The following PAWR variants were observed in gnomAD, a reference collection of about 807,000 sequenced individuals.
The protein encoded by PAWR is pro-apoptotic WT1 regulator, also known as PRKC apoptosis WT1 regulator protein.
Under a neutral mutation model 32.0 loss-of-function variants are expected in PAWR, and 23 were observed. The ratio of observed to expected loss-of-function variants is 0.72; its 90% CI spans 0.52 to 1.02. The LOEUF is 1.02. PAWR is among the 50% of genes least tolerant of loss of function. The pLI is 0.00. For synonymous variants in PAWR, 226 were observed against 187.1 expected (o/e 1.21, Z -1.70); for missense variants, 457 against 437.7 (o/e 1.04, Z -0.39).
intron 2 of PAWR, among the ~76,000 whole-genome samples, chr12:79,638,649 A>G (rs141082968): frequency 2.6e-3 from 400 of 151,536 alleles, no homozygotes; most frequent in Admixed American, 5.4e-3. Flanking sequence ...CAGAATACAG[A>G]ATTGCAACAA....
chr12:79,639,307 C>A (rs1338625249), intron 2 of PAWR, among the ~76,000 whole-genome samples: 2 of 152,012 alleles, frequency 1.3e-5, no homozygotes, highest in Non-Finnish European at 2.9e-5. Flanking sequence ...AATACCAGTT[C>A]TCTTTCTTAT....
intron 2 of PAWR, among the ~76,000 whole-genome samples, chr12:79,661,947 A>G (rs545480693): frequency 2.0e-5 from 3 of 152,168 alleles, no homozygotes; most frequent in Non-Finnish European, 4.4e-5. Context: ...AATAACCTAA[A>G]TGTTGCCACT....
At chr12:79,606,996 C>T (rs964123845) in intron 4 of PAWR, among the ~76,000 whole-genome samples, 5 of 152,064 alleles carry the variant, frequency 3.3e-5, no homozygotes, top group African/African-American at 1.2e-4. Context: ...ACAAAATGTA[C>T]AAGAATCCCA....
intron 2 of PAWR, among the ~76,000 whole-genome samples, chr12:79,657,467 G>T (rs1877144444): frequency 6.6e-6 from 1 of 152,022 alleles, no homozygotes; most frequent in Admixed American, 6.6e-5. Context: ...AAGTTAAGGG[G>T]GTGGGTTGAG....
At chr12:79,647,978 T>A (rs942232046) in intron 2 of PAWR, among the ~76,000 whole-genome samples, 2 of 152,018 alleles carry the variant, frequency 1.3e-5, no homozygotes, top group Non-Finnish European at 2.9e-5. Context: ...GCAACCTAGA[T>A]CTCTCACATG....
At position 79,643,112 on chromosome 12, in the gene PAWR, A is replaced by G. The variant is rs8176831; in HGVS notation, c.517-21905T>C. 7.2e-5 allele frequency among the ~76,000 whole-genome samples: 11 copies of G among 152,274 alleles called. 1 individual carries two copies. The highest frequency in any genetic ancestry group is 3.9e-4 in the Admixed American group (6 of 15,290). ...GCAATTTTTGCACCCTATTTTCTAT[A>G]CTATGTAACAAGAACCACCATTTAT... On this transcript the variant is annotated intron_variant, in intron 2 of 6. Coordinates refer to ENST00000328827, the MANE Select transcript of PAWR (RefSeq NM_002583.4).
intron 2 of PAWR, among the ~76,000 whole-genome samples, chr12:79,655,930 T>C (rs953435946): frequency 2.0e-5 from 3 of 152,236 alleles, no homozygotes; most frequent in African/African-American, 7.2e-5. Flanking sequence ...AGAGTGCTGA[T>C]AGAAGGTATC....
Position 79,639,911 on chromosome 12 carries a change from C to CATTCT in PAWR, c.517-18709_517-18705dup, listed in dbSNP as rs982068653. On this transcript the variant is annotated intron_variant, in intron 2 of 6. Coordinates refer to ENST00000328827, the MANE Select transcript of PAWR (RefSeq NM_002583.4). ...CATTCCATTCCATTCCATTCCATTC[C>CATTCT]ATTCTATTCTAGAGATGGAGTCTCA... Among the ~76,000 whole-genome samples, 5 of 102,870 alleles carry CATTCT rather than the reference C, an allele frequency of 4.9e-5. No homozygotes were observed. The South Asian group carries it at 7.8e-4, about 16-fold the overall frequency. The allele number at this position is 102,870 out of a possible 152,430, so 67.5% of individuals were successfully genotyped here.
chr12:79,638,894 ATATTTTTTTTTTTTT>A (rs1876133665), intron 2 of PAWR, among the ~76,000 whole-genome samples: 2 of 12,984 alleles, frequency 1.5e-4, no homozygotes, highest in Non-Finnish European at 2.7e-4. Context: ...ATATATATAT[ATATTTTTTTTTTTTT>A]TTTTTTTTTT....
chr12:79,638,100 A>G (rs1478476496), intron 2 of PAWR, among the ~76,000 whole-genome samples: 1 of 151,994 alleles, frequency 6.6e-6, no homozygotes, highest in Admixed American at 6.6e-5. Context: ...TGGCTCTTTA[A>G]ACATACTGTC....
At chr12:79,599,167 A>G (rs1873871115) in intron 4 of PAWR, among the ~76,000 whole-genome samples, 1 of 152,248 alleles carries the variant, frequency 6.6e-6, no homozygotes, top group Admixed American at 6.5e-5. Context: ...CAAAAACACC[A>G]AGAGTTCATC....
In PAWR at chr12:79,690,140, G is replaced by T. The variant is rs763688051; in HGVS notation, c.105C>A (p.Asn35Lys). ...AKREKMRAKQ[N>K]PPGPAPPGGG... is the part of the protein sequence containing the mutation. ...CTCCCGGGGGGGCCGGGCCCGGGGG[G>T]TTCTGCTTGGCGCGCATCTTCTCGC... is the stretch of plus-strand genomic sequence containing the variant. The change falls in exon 2 of 7, where the codon AAC (asparagine) becomes AAA (lysine). Residue 35 changes from asparagine (N) to lysine (K), a missense_variant. Asn to Lys is a moderately conservative substitution (Grantham distance 94). Coordinates refer to ENST00000328827, the MANE Select transcript of PAWR (RefSeq NM_002583.4). 1.9e-5 allele frequency: 29 copies of T among 1,521,090 alleles called. No individual in the cohort carries two copies. Among genetic ancestry groups the T allele is most frequent in the African/African-American group, 4.3e-5 (3 of 70,108 alleles). 94.2% of individuals were successfully genotyped at this position (1,521,090 alleles called of 1,614,324 possible).
intron 2 of PAWR, among the ~76,000 whole-genome samples, chr12:79,649,942 G>C (rs1876760635): frequency 6.6e-6 from 1 of 152,186 alleles, no homozygotes; most frequent in South Asian, 2.1e-4. Flanking sequence ...TCAGTCATTA[G>C]TTAAGATTCT....
rs1566010951 is a variant in PAWR, at chr12:79,632,330, TATATATATATATATATATATATATATA to T, written c.517-11150_517-11124del. On this transcript the variant is annotated intron_variant, in intron 2 of 6. Transcript: ENST00000328827. ...ATACATACATATATATATATATATA[TATATATATATATATATATATATATATA>T]TATATTTTTTTTTTTTTTTAGACAG... Among the ~76,000 whole-genome samples, 79 of 46,504 alleles carry T rather than the reference TATATATATATATATATATATATATATA, an allele frequency of 1.7e-3. 8 individuals carry two copies. In the African/African-American group the frequency reaches 0.022, roughly 13 times the overall value. 30.5% of individuals were successfully genotyped at this position (46,504 alleles called of 152,430 possible).
At chr12:79,607,913 G>C (rs1874257877) in intron 4 of PAWR, among the ~76,000 whole-genome samples, 1 of 151,830 alleles carries the variant, frequency 6.6e-6, no homozygotes, top group Non-Finnish European at 1.5e-5. Flanking sequence ...ACCGGGCATG[G>C]GGGCGCATGC....
intron 2 of PAWR, among the ~76,000 whole-genome samples, chr12:79,674,643 T>C (rs953450052): frequency 6.6e-6 from 1 of 152,044 alleles, no homozygotes; most frequent in Non-Finnish European, 1.5e-5. Flanking sequence ...GAGAAAATAT[T>C]TGCAAATTAT....
chr12:79,669,423 A>G (rs1054892597), intron 2 of PAWR, among the ~76,000 whole-genome samples: 1 of 152,332 alleles, frequency 6.6e-6, no homozygotes, highest in Admixed American at 6.5e-5. Flanking sequence ...ATATTATCTT[A>G]TATCTTGATT....
intron 2 of PAWR, among the ~76,000 whole-genome samples, chr12:79,643,594 G>C (rs1041657856): frequency 2.0e-5 from 3 of 152,086 alleles, no homozygotes; most frequent in South Asian, 2.1e-4. Context: ...AATTTTTACA[G>C]AAGTTCCTCC....
At chr12:79,664,768 C>T (rs534308650) in intron 2 of PAWR, among the ~76,000 whole-genome samples, 12 of 151,540 alleles carry the variant, frequency 7.9e-5, no homozygotes, top group East Asian at 1.9e-4. Context: ...CTCGGGACTA[C>T]GGATATGCGT....
Sources: allele counts gnomAD v4.1 joint callset (sites outside exome capture counted in the v4.1 genomes callset), GRCh38; gene constraint gnomAD v4.1.1; transcripts MANE v1.5; gene names NCBI Gene and HGNC (gene_info 2026-07-23, HGNC 2026-07-21).